OR1L8: variants seen among roughly 807,000 people sequenced by gnomAD.
OR1L8 encodes the protein olfactory receptor 1L8.
For synonymous variants in OR1L8, 148 were observed against 147.0 expected, an observed-to-expected ratio of 1.01 and a Z score of -0.05; for missense variants, 330 against 377.4, an observed-to-expected ratio of 0.87 and a Z score of 1.04.
At chr9:122,558,311 CT>C in the OR1L8 span, among the ~76,000 whole-genome samples, 14 of 34,470 alleles carry the variant, frequency 4.1e-4, no homozygotes, top group East Asian at 1.3e-3. Flanking sequence ...TTGGATTTTG[CT>C]TTTTTTTTTT....
chr9:122,553,361 G>A, the OR1L8 span: 3 of 1,613,904 alleles, frequency 1.9e-6, no homozygotes, highest in Middle Eastern at 1.7e-4. Context: ...TCATTATCCT[G>A]GCCATCAGCT....
chr9:122,557,557 C>G, the OR1L8 span, among the ~76,000 whole-genome samples: 1 of 151,950 alleles, frequency 6.6e-6, no homozygotes, highest in Non-Finnish European at 1.5e-5. Context: ...AGATAAATCC[C>G]ACTTGGATAT....
At chr9:122,563,184 A>ATT (rs61467780), downstream of OR1L8, among the ~76,000 whole-genome samples, 36,080 of 149,244 alleles carry the variant, frequency 0.24, 4,646 homozygotes, top group Middle Eastern at 0.34. Flanking sequence ...AGCATTTGTT[A>ATT]TTTTTTTTTT....
chr9:122,547,246 G>A, the OR1L8 span, among the ~76,000 whole-genome samples: 4 of 151,946 alleles, frequency 2.6e-5, no homozygotes, highest in Admixed American at 6.6e-5. Flanking sequence ...ACACCCCAGC[G>A]AAAAGGGCAA....
At chr9:122,569,177 A>G (rs1210016609) in intron 4 of OR1L8, among the ~76,000 whole-genome samples, 2 of 152,140 alleles carry the variant, frequency 1.3e-5, no homozygotes, top group Non-Finnish European at 2.9e-5. Flanking sequence ...CATCCTCCCT[A>G]GCTCATGACA....
intron 1 of OR1L8, among the ~76,000 whole-genome samples, chr9:122,582,684 A>G (rs1053230685): frequency 1.3e-5 from 2 of 152,046 alleles, no homozygotes. Flanking sequence ...CCATTGCACT[A>G]CAGCTGGGTT....
At chr9:122,573,457 T>G (rs1334474857) in intron 3 of OR1L8, among the ~76,000 whole-genome samples, 1 of 152,238 alleles carries the variant, frequency 6.6e-6, no homozygotes, top group Non-Finnish European at 1.5e-5. Context: ...TATACAGTGG[T>G]ATGTCATTGT....
At chr9:122,582,160 C>T (rs920154682) in intron 1 of OR1L8, among the ~76,000 whole-genome samples, 35 of 152,066 alleles carry the variant, frequency 2.3e-4, no homozygotes, top group Admixed American at 2.1e-3. Flanking sequence ...GCGTTTTTGA[C>T]TTAACCATAT....
chr9:122,558,311 C>CTTTTTTTTT, the OR1L8 span, among the ~76,000 whole-genome samples: 9 of 34,472 alleles, frequency 2.6e-4, 2 homozygotes, highest in East Asian at 2.7e-3. Context: ...TTGGATTTTG[C>CTTTTTTTTT]TTTTTTTTTT....
chr9:122,574,199 T>C (rs1829601692), intron 3 of OR1L8, among the ~76,000 whole-genome samples: 1 of 152,172 alleles, frequency 6.6e-6, no homozygotes, highest in African/African-American at 2.4e-5. Context: ...GTCTTTTGCC[T>C]CTACATATAA....
chr9:122,574,697 T>C (rs1055682176), intron 3 of OR1L8, among the ~76,000 whole-genome samples: 6 of 152,122 alleles, frequency 3.9e-5, no homozygotes, highest in African/African-American at 1.4e-4. Context: ...TCTTGTCTTA[T>C]TGCATTAGGT....
At chr9:122,574,797 G>T (rs963994402) in intron 3 of OR1L8, among the ~76,000 whole-genome samples, 1 of 152,014 alleles carries the variant, frequency 6.6e-6, no homozygotes, top group African/African-American at 2.4e-5. Context: ...CTAGTTTCTC[G>T]CCATCATGTA....
downstream of OR1L8, among the ~76,000 whole-genome samples, chr9:122,564,385 G>T (rs1829398605): frequency 6.6e-6 from 1 of 152,164 alleles, no homozygotes; most frequent in South Asian, 2.1e-4. Flanking sequence ...CCCCACATTT[G>T]TTTCCTGACT....
the OR1L8 span, chr9:122,553,559 C>G: frequency 6.2e-7 from 1 of 1,614,002 alleles, no homozygotes; most frequent in Admixed American, 1.7e-5. Context: ...TTGACAACTG[C>G]CTGCTGGCTG....
chr9:122,553,256 C>T, the OR1L8 span: 291 of 1,613,700 alleles, frequency 1.8e-4, no homozygotes, highest in Non-Finnish European at 2.3e-4. Context: ...TTTCAGACTT[C>T]CTCCTTCTAG....
At chr9:122,549,137 G>A in the OR1L8 span, among the ~76,000 whole-genome samples, 1 of 152,172 alleles carries the variant, frequency 6.6e-6, no homozygotes, top group East Asian at 1.9e-4. Context: ...AGTGAGAGAT[G>A]TTTGGGTCAT....
downstream of OR1L8, among the ~76,000 whole-genome samples, chr9:122,564,194 GT>G (rs1829395045): frequency 6.6e-6 from 1 of 152,118 alleles, no homozygotes; most frequent in Non-Finnish European, 1.5e-5. Context: ...AATTATGGGG[GT>G]CATGTGATTA....
Position 122,567,674 on chromosome 9 carries a change from A to C in OR1L8, c.804T>G (p.Ala268=), listed in dbSNP as rs781248457. Residue 268 remains alanine, a synonymous_variant, in exon 5 of 5, where the codon GCT becomes GCG. Transcript: ENST00000641027. The part of the protein sequence containing the change: ...CVYLQPPSTY[A]VKDHVATIVY... Reference sequence around the variant, plus strand: ...CAATTGTTGCCACGTGGTCCTTGACAGCGTAGGTGGATGGGGGCTGTAAAT... The same window carrying C: ...CAATTGTTGCCACGTGGTCCTTGACCGCGTAGGTGGATGGGGGCTGTAAAT... The C allele has an allele frequency of 6.2e-7, 1 of 1,614,082 alleles. No individual in the cohort carries two copies. The highest frequency in any genetic ancestry group is 8.5e-7 in the Non-Finnish European group (1 of 1,179,964).
chr9:122,548,059 C>G, the OR1L8 span, among the ~76,000 whole-genome samples: 6 of 151,996 alleles, frequency 3.9e-5, no homozygotes, highest in Admixed American at 3.9e-4. Flanking sequence ...GAGCATTTTC[C>G]TCATATGCTT....
Sources: allele counts gnomAD v4.1 joint callset (sites outside exome capture counted in the v4.1 genomes callset), GRCh38; gene constraint gnomAD v4.1.1; transcripts MANE v1.5; gene names NCBI Gene and HGNC (gene_info 2026-07-23, HGNC 2026-07-21).